ADGRE3: variants seen among roughly 807,000 people sequenced by gnomAD.
ADGRE3 encodes adhesion G protein-coupled receptor E3.
Under a neutral mutation model 80.1 loss-of-function variants are expected in ADGRE3, and 88 were observed. That is an observed-to-expected ratio of 1.10 (90% CI 0.93 to 1.31). The LOEUF is 1.31. Among genes scored for constraint, ADGRE3 ranks in the 40% most tolerant of loss-of-function variants. The pLI is 0.00. For synonymous variants in ADGRE3, 281 were observed against 294.8 expected, an observed-to-expected ratio of 0.95 and a Z score of 0.48; for missense variants, 715 against 776.5, an observed-to-expected ratio of 0.92 and a Z score of 0.94.
At chr19:14,624,211 C>A (rs1193717378) in intron 15 of ADGRE3, among the ~76,000 whole-genome samples, 1 of 151,924 alleles carries the variant, frequency 6.6e-6, no homozygotes, top group Non-Finnish European at 1.5e-5. Flanking sequence ...TCTTCTGCTT[C>A]AGCCTCCCGA....
chr19:14,644,361 C>T (rs1372089425), intron 8 of ADGRE3, 86 bp from the exon 9 acceptor site: 5 of 1,088,932 alleles, frequency 4.6e-6, no homozygotes, highest in African/African-American at 3.3e-5. Flanking sequence ...TGCTTTGTTA[C>T]TCAGGCTGGA....
At chr19:14,659,630 GGCC>G (rs1419864464) in intron 4 of ADGRE3, among the ~76,000 whole-genome samples, 1 of 151,798 alleles carries the variant, frequency 6.6e-6, no homozygotes, top group Non-Finnish European at 1.5e-5. Flanking sequence ...AGACCAGCCT[GGCC>G]AACATGGCAA....
chr19:14,660,625 T>TAAAA (rs34250356), intron 4 of ADGRE3, among the ~76,000 whole-genome samples: 22,583 of 145,142 alleles, frequency 0.16, 1,756 homozygotes, highest in Middle Eastern at 0.28. Context: ...CCCCATCTCT[T>TAAAA]AAAAAAAAAA....
Position 14,647,310 on chromosome 19 carries a change from TG to T in ADGRE3, c.752del (p.Ala251GlufsTer15), listed in dbSNP as rs768645591. 6.2e-7 allele frequency: 1 copy of T among 1,613,416 alleles called. No individual in the cohort carries two copies. The highest frequency in any genetic ancestry group is 8.5e-7 in the Non-Finnish European group (1 of 1,179,344). On this transcript the variant is annotated frameshift_variant, in exon 8 of 16. Transcript: ENST00000253673. LOFTEE classifies it high-confidence loss of function. ...SYSSLGNIINATFFEEMDKKD... is the reference protein window; with the variant it reads ...SYSSLGNIINXTFFEEMDKKD... ...TCTTATCCATCTCTTCAAAAAAAGT[TG>T]CATTTATGATGTTTCCAAGAGAAGA...
Position 14,619,318 on chromosome 19 carries a change from A to T in ADGRE3, c.*115T>A, listed in dbSNP as rs912318691. The T allele has an allele frequency of 1.1e-5, 9 of 811,586 alleles. No homozygotes were observed. In the African/African-American group the frequency reaches 1.4e-4, roughly 12 times the overall value. 50.3% of individuals were successfully genotyped at this position (811,586 alleles called of 1,614,324 possible). A position where few individuals can be genotyped will look rare whatever the true frequency, so the allele number is the denominator to read the frequency against. On this transcript the variant is annotated 3_prime_UTR_variant, in exon 16 of 16. Coordinates refer to ENST00000253673, the MANE Select transcript of ADGRE3 (RefSeq NM_032571.5). ...ACAGCTTGGGAAGTAAAGGTTGATT[A>T]CTTCCTCTCCAAGGATGATATGTTT...
intron 6 of ADGRE3, among the ~76,000 whole-genome samples, chr19:14,651,778 ATGCT>A (rs1374942091): frequency 6.6e-6 from 1 of 152,202 alleles, no homozygotes; most frequent in African/African-American, 2.4e-5. Context: ...ACAGTGGCTC[ATGCT>A]TGTAATCCCA....
At chr19:14,648,986 ATC>A (rs1971497425) in intron 7 of ADGRE3, among the ~76,000 whole-genome samples, 1 of 137,056 alleles carries the variant, frequency 7.3e-6, no homozygotes, top group East Asian at 2.1e-4. Context: ...CTCTCTCCCC[ATC>A]TCTCTCTTTC....
the ADGRE3 span, among the ~76,000 whole-genome samples, chr19:14,605,678 T>C: frequency 2.6e-5 from 4 of 152,282 alleles, no homozygotes; most frequent in Admixed American, 2.0e-4. Context: ...TGCTTCTAAC[T>C]ATATTTTCTT....
the ADGRE3 span, among the ~76,000 whole-genome samples, chr19:14,607,891 G>A: frequency 2.0e-5 from 3 of 151,692 alleles, no homozygotes; most frequent in Non-Finnish European, 4.4e-5. Flanking sequence ...TTAGTTTTTT[G>A]AGACAGTCTC....
At chr19:14,638,485 C>T in intron 10 of ADGRE3, 145 bp from the exon 11 acceptor site, 1 of 621,326 alleles carries the variant, frequency 1.6e-6, no homozygotes, top group Non-Finnish European at 2.9e-6. Context: ...TGCAGTGGCT[C>T]ATGTCTGTAA....
intron 4 of ADGRE3, among the ~76,000 whole-genome samples, chr19:14,661,195 G>A (rs1366397766): frequency 6.6e-6 from 1 of 152,124 alleles, no homozygotes; most frequent in African/African-American, 2.4e-5. Context: ...ACCCGCCTTG[G>A]CCTCCCAAAG....
intron 9 of ADGRE3, among the ~76,000 whole-genome samples, chr19:14,643,179 C>T (rs1305849037): frequency 7.1e-6 from 1 of 140,964 alleles, no homozygotes; most frequent in Admixed American, 7.0e-5. Context: ...CAGAGTCTCG[C>T]TCTGTCGCCA....
At chr19:14,617,360 T>C (rs182019853), downstream of ADGRE3, among the ~76,000 whole-genome samples, 7,996 of 115,830 alleles carry the variant, frequency 0.069, 378 homozygotes, top group Non-Finnish European at 0.092. Context: ...CTTTCTTTCT[T>C]TCTTTCTTTC....
intron 8 of ADGRE3, among the ~76,000 whole-genome samples, chr19:14,644,639 C>T (rs1280028664): frequency 6.6e-6 from 1 of 152,138 alleles, no homozygotes; most frequent in Non-Finnish European, 1.5e-5. Context: ...TGTCTTTTTC[C>T]TCAGGAGGGA....
At chr19:14,670,128 G>A (rs778273795) in intron 1 of ADGRE3, among the ~76,000 whole-genome samples, 1 of 152,106 alleles carries the variant, frequency 6.6e-6, no homozygotes, top group African/African-American at 2.4e-5. Context: ...TCTGGGAAGG[G>A]CTCAGCTGGG....
Position 14,644,253 on chromosome 19 carries a change from A to G in ADGRE3, c.905T>C (p.Val302Ala). Reference protein sequence around the residue: ...HVKMTPSTKKVFCVYWKSTGQ... With the variant: ...HVKMTPSTKKAFCVYWKSTGQ... The stretch of plus-strand genomic sequence containing the variant: ...TGTGCTCTTCCAGTAGACACAGAAG[A>G]CCTTTTTGGTACTGGGGGTCATCTG... Residue 302 changes from valine to alanine, a missense_variant, in exon 9 of 16, where the codon GTC becomes GCC. Coordinates refer to ENST00000253673, the MANE Select transcript of ADGRE3 (RefSeq NM_032571.5). 9.6e-6 allele frequency: 15 copies of G among 1,567,360 alleles called. No homozygotes were observed. Among genetic ancestry groups the G allele is most frequent in the Non-Finnish European group, 1.3e-5 (15 of 1,158,998 alleles).
At chr19:14,655,911 G>A (rs1300226319) in intron 5 of ADGRE3, among the ~76,000 whole-genome samples, 5 of 152,056 alleles carry the variant, frequency 3.3e-5, no homozygotes, top group African/African-American at 9.7e-5. Context: ...TGTCACTGTC[G>A]CAACAAGGGA....
chr19:14,606,893 C>T, the ADGRE3 span: 5 of 451,278 alleles, frequency 1.1e-5, no homozygotes, highest in South Asian at 1.1e-4. Context: ...TGGGAGGTGA[C>T]GTTCCCAAGC....
At chr19:14,626,668 G>C (rs1970745084) in intron 14 of ADGRE3, among the ~76,000 whole-genome samples, 1 of 152,150 alleles carries the variant, frequency 6.6e-6, no homozygotes, top group South Asian at 2.1e-4. Context: ...GCACCAGTAG[G>C]GCAATGAGGA....
Sources: allele counts gnomAD v4.1 joint callset (sites outside exome capture counted in the v4.1 genomes callset), GRCh38; gene constraint gnomAD v4.1.1; transcripts MANE v1.5; gene names NCBI Gene and HGNC (gene_info 2026-07-23, HGNC 2026-07-21).